The following KIAA1549L variants were observed in gnomAD, a reference collection of about 807,000 sequenced individuals.
KIAA1549L encodes the protein UPF0606 protein KIAA1549L.
In KIAA1549L, 88 loss-of-function variants were observed where a neutral mutation model predicts 160.7. The ratio of observed to expected loss-of-function variants is 0.55; its 90% CI spans 0.46 to 0.65. The LOEUF (loss-of-function observed/expected upper bound fraction) is 0.65. Ranked by LOEUF, KIAA1549L falls within the 30% of genes least tolerant of loss-of-function variation. The pLI, the probability that KIAA1549L is intolerant of heterozygous loss-of-function variation, is 0.00. For synonymous variants in KIAA1549L, 950 were observed against 976.7 expected, an observed-to-expected ratio of 0.97 and a Z score of 0.51; for missense variants, 2,258 against 2,437.5, an observed-to-expected ratio of 0.93 and a Z score of 1.55.
chr11:33,580,146 A>G (rs1855585656), intron 10 of KIAA1549L, among the ~76,000 whole-genome samples: 1 of 152,182 alleles, frequency 6.6e-6, no homozygotes, highest in East Asian at 1.9e-4. Flanking sequence ...CATCTGGTCC[A>G]TTTGCAGGGT....
chr11:33,419,911 T>C (rs74324113), intron 1 of KIAA1549L, among the ~76,000 whole-genome samples: 1,132 of 54,162 alleles, frequency 0.021, 25 homozygotes, highest in South Asian at 0.19. Flanking sequence ...CATACATATA[T>C]ATATATGAAT....
rs1855392532 is a variant in KIAA1549L at position 33,574,841 on chromosome 11, C to G, written c.4370C>G (p.Thr1457Ser). 6.2e-7 allele frequency: 1 copy of G among 1,613,856 alleles called. No homozygotes were observed. The highest frequency in any genetic ancestry group is 1.7e-5 in the Admixed American group (1 of 59,994). ...STIDSQRMAL[T>S]LHHVVLLQAD... ...ATTGATTCCCAAAGGATGGCCTTGA[C>G]CCTTCATCACGTTGTCCTTCTGCAA... Residue 1457 changes from threonine to serine, a missense_variant, in exon 10 of 21, where the codon ACC becomes AGC. Thr to Ser is a moderately conservative substitution (Grantham distance 58, BLOSUM62 1). Coordinates refer to ENST00000658780, the MANE Select transcript of KIAA1549L (RefSeq NM_012194.3).
At chr11:33,484,613 A>G (rs901690892) in intron 1 of KIAA1549L, among the ~76,000 whole-genome samples, 1 of 152,228 alleles carries the variant, frequency 6.6e-6, no homozygotes, top group African/African-American at 2.4e-5. Context: ...GATTATCTAC[A>G]TAAAGGGCTT....
chr11:33,453,374 G>T (rs372965520), intron 1 of KIAA1549L, among the ~76,000 whole-genome samples: 14 of 152,296 alleles, frequency 9.2e-5, no homozygotes, highest in African/African-American at 3.4e-4. Flanking sequence ...TGGGGTGGGG[G>T]ATGCCTCAAG....
intron 8 of KIAA1549L, among the ~76,000 whole-genome samples, chr11:33,562,629 A>G (rs1330736319): frequency 2.7e-5 from 4 of 150,128 alleles, no homozygotes; most frequent in African/African-American, 9.8e-5. Flanking sequence ...GGACACCATC[A>G]TATTGAATTA....
intron 1 of KIAA1549L, among the ~76,000 whole-genome samples, chr11:33,416,030 C>T (rs1159665566): frequency 6.6e-6 from 1 of 152,052 alleles, no homozygotes; most frequent in African/African-American, 2.4e-5. Flanking sequence ...GAATGAGACC[C>T]TGTCATAAAC....
chr11:33,665,156 C>G (rs759481105), intron 20 of KIAA1549L: 28 of 152,482 alleles, frequency 1.8e-4, no homozygotes, highest in Middle Eastern at 3.4e-3. Context: ...GCCGGTGGTG[C>G]TTTTGCCCGA....
chr11:33,457,940 A>T (rs1245886263), intron 1 of KIAA1549L, among the ~76,000 whole-genome samples: 1 of 152,146 alleles, frequency 6.6e-6, no homozygotes, highest in Non-Finnish European at 1.5e-5. Flanking sequence ...TCCAGAACGT[A>T]TGTGATGCTC....
At chr11:33,516,589 TG>T (rs1354112434) in intron 1 of KIAA1549L, among the ~76,000 whole-genome samples, 2 of 152,230 alleles carry the variant, frequency 1.3e-5, no homozygotes, top group African/African-American at 4.8e-5. Context: ...CTTACAGGGA[TG>T]GATATGTGAA....
rs1290833092 is a variant in KIAA1549L at position 33,668,019 on chromosome 11, G to T, written c.6306G>T (p.Gln2102His). Residue 2102 changes from glutamine to histidine, a missense_variant, in exon 21 of 21, where the codon CAG becomes CAT. By Grantham distance (24) the Gln-to-His change is conservative. Transcript: ENST00000658780. ...CGGCGCCCTCCACAGCGGCCTCGCAGCAGAGCCTGGCAGAAAACGACCCGT... is the reference window on the plus strand; with the variant it reads ...CGGCGCCCTCCACAGCGGCCTCGCATCAGAGCCTGGCAGAAAACGACCCGT... ...QAPAPSTAAS[Q>H]QSLAENDPSD... 6.2e-7 allele frequency: 1 copy of T among 1,613,998 alleles called. No homozygotes were observed. Among genetic ancestry groups the T allele is most frequent in the Middle Eastern group, 1.6e-4 (1 of 6,062 alleles).
intron 4 of KIAA1549L, 62 bp downstream of exon 4, chr11:33,547,941 T>C (rs1854321826): frequency 1.9e-6 from 2 of 1,027,244 alleles, no homozygotes; most frequent in East Asian, 2.5e-5. Context: ...GTCTAGAATA[T>C]GTTTAGATTG....
chr11:33,406,549 C>A (rs944894018), intron 1 of KIAA1549L, among the ~76,000 whole-genome samples: 5 of 152,212 alleles, frequency 3.3e-5, no homozygotes, highest in Non-Finnish European at 7.3e-5. Flanking sequence ...TCAAACTACC[C>A]CCTTTGCTTA....
At chr11:33,503,125 A>G (rs1852991109) in intron 1 of KIAA1549L, among the ~76,000 whole-genome samples, 1 of 152,192 alleles carries the variant, frequency 6.6e-6, no homozygotes, top group Non-Finnish European at 1.5e-5. Flanking sequence ...CCTTTTTCTG[A>G]TCATTCAACT....
chr11:33,513,744 T>G (rs1853277824), intron 1 of KIAA1549L, among the ~76,000 whole-genome samples: 1 of 152,182 alleles, frequency 6.6e-6, no homozygotes. Flanking sequence ...GGGCAGACGT[T>G]CACTCTTGGG....
intron 8 of KIAA1549L, among the ~76,000 whole-genome samples, chr11:33,564,717 C>T (rs535240580): frequency 6.6e-6 from 1 of 152,344 alleles, no homozygotes; most frequent in East Asian, 1.9e-4. Context: ...GGTCTCAGCT[C>T]TGCCATTTTC....
At position 33,668,294 on chromosome 11, in the gene KIAA1549L, G is replaced by T; in HGVS notation, c.*140G>T. 1 of 784,404 alleles carries T rather than the reference G, an allele frequency of 1.3e-6. No homozygotes were observed. Among genetic ancestry groups the T allele is most frequent in the Non-Finnish European group, 2.0e-6 (1 of 500,344 alleles). 48.6% of individuals were successfully genotyped at this position (784,404 alleles called of 1,614,324 possible). ...CCATTTCTGAAAAGGTGAACTATGG[G>T]GCTTCTGGGAACAGGAAACTCTTGA... On this transcript the variant is annotated 3_prime_UTR_variant, in exon 21 of 21. Coordinates refer to ENST00000658780, the MANE Select transcript of KIAA1549L (RefSeq NM_012194.3).
At position 33,595,589 on chromosome 11, in the gene KIAA1549L, A is replaced by G. The variant is rs544348900; in HGVS notation, c.4752-3231A>G. Among the ~76,000 whole-genome samples the G allele has an allele frequency of 2.0e-5, 3 of 152,178 alleles. No individual in the cohort carries two copies. The South Asian group carries it at 6.2e-4, about 32-fold the overall frequency. On this transcript the variant is annotated intron_variant, in intron 12 of 20. Coordinates refer to ENST00000658780, the MANE Select transcript of KIAA1549L (RefSeq NM_012194.3). The stretch of plus-strand genomic sequence containing the variant: ...TAAGGGCTGGTTAGATCATTTCCAA[A>G]GCTGTAAGAGAAACCTCCTCTCTGT...
chr11:33,483,052 A>G (rs1305954505), intron 1 of KIAA1549L, among the ~76,000 whole-genome samples: 1 of 151,452 alleles, frequency 6.6e-6, no homozygotes, highest in East Asian at 1.9e-4. Flanking sequence ...TCCTCCTTTC[A>G]TGCATCATTT....
At chr11:33,418,672 A>G (rs976526288) in intron 1 of KIAA1549L, among the ~76,000 whole-genome samples, 1 of 152,198 alleles carries the variant, frequency 6.6e-6, no homozygotes, top group African/African-American at 2.4e-5. Context: ...TCTGTAGTTC[A>G]GGAAAGTTAC....
Sources: gnomAD v4.1 joint callset for allele counts (sites outside exome capture counted in the v4.1 genomes callset) on GRCh38, gnomAD v4.1.1 for gene constraint, MANE v1.5 for transcripts, NCBI Gene and HGNC (gene_info 2026-07-23, HGNC 2026-07-21) for gene names.